GALNTL6: variants seen among roughly 807,000 people sequenced by gnomAD.
GALNTL6 encodes the protein polypeptide N-acetylgalactosaminyltransferase like 6, also known as polypeptide N-acetylgalactosaminyltransferase-like 6.
A neutral mutation model predicts 73.7 loss-of-function variants in GALNTL6; 46 were observed. The ratio of observed to expected loss-of-function variants is 0.62; its 90% CI spans 0.49 to 0.80. The LOEUF (loss-of-function observed/expected upper bound fraction) is 0.80, where lower values mean the gene tolerates loss of function less well. Among genes scored for constraint, GALNTL6 ranks in the 30% least tolerant of loss-of-function variants. The pLI is 0.00. For synonymous variants in GALNTL6, 259 were observed against 263.7 expected, an observed-to-expected ratio of 0.98 and a Z score of 0.17; for missense variants, 604 against 755.0, an observed-to-expected ratio of 0.80 and a Z score of 2.34.
intron 5 of GALNTL6, among the ~76,000 whole-genome samples, chr4:172,394,798 C>T (rs959854380): frequency 6.6e-6 from 1 of 152,026 alleles, no homozygotes; most frequent in Non-Finnish European, 1.5e-5. Flanking sequence ...TGCTGACACC[C>T]CTCCTGACAA....
intron 7 of GALNTL6, among the ~76,000 whole-genome samples, chr4:172,864,998 A>G (rs1744590221): frequency 6.6e-6 from 1 of 152,192 alleles, no homozygotes; most frequent in Admixed American, 6.5e-5. Context: ...CTTGCCTGAA[A>G]GGATTTGGGT....
intron 5 of GALNTL6, among the ~76,000 whole-genome samples, chr4:172,755,237 T>TATAGATAGATGATAG (rs1553984925): frequency 2.7e-4 from 39 of 145,664 alleles, no homozygotes; most frequent in African/African-American, 8.7e-4. Context: ...AAATGACAGA[T>TATAGATAGATGATAG]ATAGATAGAT....
intron 5 of GALNTL6, among the ~76,000 whole-genome samples, chr4:172,726,951 A>G (rs767894925): frequency 6.6e-6 from 1 of 152,202 alleles, no homozygotes; most frequent in Non-Finnish European, 1.5e-5. Context: ...GTGAAAATAG[A>G]TTAACTTTCA....
chr4:171,887,295 T>C (rs1009458279), intron 2 of GALNTL6, among the ~76,000 whole-genome samples: 1 of 152,178 alleles, frequency 6.6e-6, no homozygotes, highest in Admixed American at 6.5e-5. Context: ...AACAAAACAT[T>C]CAAACCATAG....
intron 2 of GALNTL6, among the ~76,000 whole-genome samples, chr4:171,992,022 G>T (rs1309635318): frequency 6.6e-6 from 1 of 151,738 alleles, no homozygotes; most frequent in Non-Finnish European, 1.5e-5. Flanking sequence ...TTTCTCTTTT[G>T]TGAGAACGAA....
Position 172,987,289 on chromosome 4 carries a change from T to G in GALNTL6, c.1372-21889T>G, listed in dbSNP as rs1006738698. 7.2e-5 allele frequency among the ~76,000 whole-genome samples: 11 copies of G among 152,204 alleles called. No individual in the cohort carries two copies. In the East Asian group the frequency reaches 2.1e-3, roughly 30 times the overall value. On this transcript the variant is annotated intron_variant, in intron 10 of 12. Transcript: ENST00000506823. The stretch of plus-strand genomic sequence containing the variant: ...GGTGGAAGGGAAAGCAAACACATCC[T>G]TATTCACATGGTGGCAGCAAGGAGA...
intron 5 of GALNTL6, among the ~76,000 whole-genome samples, chr4:172,795,438 G>A (rs548560813): frequency 1.3e-5 from 2 of 152,236 alleles, no homozygotes; most frequent in African/African-American, 2.4e-5. Flanking sequence ...AAAAAGAACC[G>A]AATTGATTTT....
intron 12 of GALNTL6, among the ~76,000 whole-genome samples, chr4:173,026,436 AC>A (rs1753235177): frequency 6.6e-6 from 1 of 152,204 alleles, no homozygotes; most frequent in African/African-American, 2.4e-5. Context: ...TACAGACAGA[AC>A]CATTCTTAAG....
intron 2 of GALNTL6, among the ~76,000 whole-genome samples, chr4:172,081,343 G>A (rs1310735049): frequency 6.6e-6 from 1 of 152,188 alleles, no homozygotes; most frequent in Non-Finnish European, 1.5e-5. Flanking sequence ...GGCTGAGTCT[G>A]CAAGTTGACA....
chr4:171,865,011 T>A (rs1409556104), intron 2 of GALNTL6, among the ~76,000 whole-genome samples: 2 of 152,028 alleles, frequency 1.3e-5, no homozygotes, highest in Non-Finnish European at 2.9e-5. Context: ...CCGGGCATGG[T>A]GGTGTGCACC....
chr4:172,742,098 C>T (rs1207340028), intron 5 of GALNTL6, among the ~76,000 whole-genome samples: 1 of 151,886 alleles, frequency 6.6e-6, no homozygotes, highest in Non-Finnish European at 1.5e-5. Flanking sequence ...CCATTTGATA[C>T]ATGTAATTTC....
chr4:172,418,215 T>A (rs940371463), intron 5 of GALNTL6, among the ~76,000 whole-genome samples: 13 of 152,214 alleles, frequency 8.5e-5, no homozygotes, highest in Admixed American at 6.6e-4. Flanking sequence ...AACTTTTTTT[T>A]AGGTTAAAGG....
chr4:172,414,029 T>C (rs972556894), intron 5 of GALNTL6, among the ~76,000 whole-genome samples: 5 of 152,144 alleles, frequency 3.3e-5, no homozygotes, highest in African/African-American at 1.2e-4. Flanking sequence ...CAAAAAATAA[T>C]TGTTAATTTA....
At chr4:171,964,673 T>C (rs2111052831) in intron 2 of GALNTL6, among the ~76,000 whole-genome samples, 1 of 152,376 alleles carries the variant, frequency 6.6e-6, no homozygotes, top group South Asian at 2.1e-4. Flanking sequence ...AAGAACACTT[T>C]AACTTACATA....
chr4:172,698,053 C>G (rs1733797718), intron 5 of GALNTL6, among the ~76,000 whole-genome samples: 1 of 152,110 alleles, frequency 6.6e-6, no homozygotes, highest in Non-Finnish European at 1.5e-5. Flanking sequence ...TAGAAACTCT[C>G]TAGTACATTT....
chr4:171,966,501 G>A (rs1739385552), intron 2 of GALNTL6, among the ~76,000 whole-genome samples: 1 of 152,142 alleles, frequency 6.6e-6, no homozygotes, highest in African/African-American at 2.4e-5. Context: ...AAGAAAGTGT[G>A]ATCCAGAGAG....
At chr4:172,814,939 G>A (rs1263752220) in intron 7 of GALNTL6, among the ~76,000 whole-genome samples, 4 of 152,146 alleles carry the variant, frequency 2.6e-5, no homozygotes, top group African/African-American at 9.7e-5. Flanking sequence ...TTACTGGAGA[G>A]TTTTTGAAAA....
At chr4:172,785,664 G>A (rs1385927625) in intron 5 of GALNTL6, among the ~76,000 whole-genome samples, 1 of 152,092 alleles carries the variant, frequency 6.6e-6, no homozygotes, top group East Asian at 1.9e-4. Flanking sequence ...TAGGGTGAGG[G>A]CACAGAGAGT....
chr4:172,473,386 A>G (rs1245061682), intron 5 of GALNTL6, among the ~76,000 whole-genome samples: 1 of 152,166 alleles, frequency 6.6e-6, no homozygotes, highest in Non-Finnish European at 1.5e-5. Flanking sequence ...TTGCAGCAAA[A>G]TGGTGCAAAA....
Sources: allele counts gnomAD v4.1 joint callset (sites outside exome capture counted in the v4.1 genomes callset), GRCh38; gene constraint gnomAD v4.1.1; transcripts MANE v1.5; gene names NCBI Gene and HGNC (gene_info 2026-07-23, HGNC 2026-07-21).